The following EIPR1 variants were observed in gnomAD, a reference collection of about 807,000 sequenced individuals.
The protein encoded by EIPR1 is EARP and GARP complex-interacting protein 1.
Under a neutral mutation model 48.1 loss-of-function variants are expected in EIPR1, and 25 were observed. The ratio of observed to expected loss-of-function variants is 0.52; its 90% CI spans 0.38 to 0.73. The LOEUF is 0.73. Among genes scored for constraint, EIPR1 ranks in the 30% least tolerant of loss-of-function variants. The probability of loss-of-function intolerance (pLI) is 0.00; values close to 1 mark genes in which losing one functional copy is unlikely to be tolerated. For synonymous variants in EIPR1, 204 were observed against 201.9 expected (o/e 1.01, Z -0.09); for missense variants, 415 against 506.2 (o/e 0.82, Z 1.73).
At chr2:3,348,602 G>C (rs978925866) in intron 2 of EIPR1, among the ~76,000 whole-genome samples, 1 of 152,234 alleles carries the variant, frequency 6.6e-6, no homozygotes, top group Non-Finnish European at 1.5e-5. Context: ...CTGTCCCACA[G>C]GAGGAAACAG....
chr2:3,301,264 G>C (rs926690903), intron 3 of EIPR1: 1 of 152,172 alleles, frequency 6.6e-6, no homozygotes, highest in African/African-American at 2.4e-5. Context: ...TGCAGTAGAC[G>C]GCAACAAACA....
chr2:3,372,707 A>G (rs1659711484), intron 1 of EIPR1, among the ~76,000 whole-genome samples: 1 of 152,234 alleles, frequency 6.6e-6, no homozygotes, highest in Non-Finnish European at 1.5e-5. Flanking sequence ...GAATAGACCA[A>G]TAATAGGATC....
At chr2:3,330,924 G>C (rs1030309469) in intron 3 of EIPR1, among the ~76,000 whole-genome samples, 3 of 151,648 alleles carry the variant, frequency 2.0e-5, no homozygotes, top group Non-Finnish European at 4.4e-5. Flanking sequence ...GCAGAGACTG[G>C]CAAGTGTACA....
chr2:3,306,789 G>A (rs1359181440), intron 3 of EIPR1, among the ~76,000 whole-genome samples: 1 of 152,080 alleles, frequency 6.6e-6, no homozygotes, highest in Non-Finnish European at 1.5e-5. Flanking sequence ...TGCCTCAGGG[G>A]CAGCAGAGGC....
At chr2:3,352,173 G>T (rs1309670131) in intron 2 of EIPR1, among the ~76,000 whole-genome samples, 1 of 121,272 alleles carries the variant, frequency 8.2e-6, no homozygotes, top group Non-Finnish European at 1.7e-5. Flanking sequence ...TGTCTGTTCC[G>T]GACACCTTTG....
chr2:3,254,665 A>G (rs576304812), intron 4 of EIPR1, among the ~76,000 whole-genome samples: 1 of 152,376 alleles, frequency 6.6e-6, no homozygotes, highest in Admixed American at 6.5e-5. Flanking sequence ...ATACAGAGAT[A>G]GAGTACAGAT....
intron 2 of EIPR1, among the ~76,000 whole-genome samples, chr2:3,341,510 A>C (rs1670247345): frequency 6.6e-6 from 1 of 151,292 alleles, no homozygotes; most frequent in African/African-American, 2.4e-5. Context: ...CTATGCATGT[A>C]TGTGTGCGGG....
intron 2 of EIPR1, among the ~76,000 whole-genome samples, chr2:3,345,816 G>A (rs992104807): frequency 2.0e-5 from 3 of 152,104 alleles, no homozygotes; most frequent in Admixed American, 6.5e-5. Context: ...CGGCCCCGGG[G>A]CACCACGCTT....
At chr2:3,353,413 AC>A (rs1670638215) in intron 2 of EIPR1, 1 of 424,048 alleles carries the variant, frequency 2.4e-6, no homozygotes, top group Non-Finnish European at 4.8e-6. Context: ...AAATCATCTA[AC>A]GATTCTTAAG....
At chr2:3,351,576 T>G (rs55649989) in intron 2 of EIPR1, among the ~76,000 whole-genome samples, 22,228 of 152,194 alleles carry the variant, frequency 0.15, 1,796 homozygotes, top group Non-Finnish European at 0.18. Flanking sequence ...CCAACTCCCC[T>G]GTAGGCACCA....
At chr2:3,285,845 C>G (rs1247658985) in intron 3 of EIPR1, among the ~76,000 whole-genome samples, 2 of 100,722 alleles carry the variant, frequency 2.0e-5, no homozygotes, top group East Asian at 2.7e-4. Flanking sequence ...CAGAAGTCAC[C>G]GACTGTCTCC....
intron 4 of EIPR1, among the ~76,000 whole-genome samples, chr2:3,247,023 G>GGT (rs1192192595): frequency 5.5e-5 from 1 of 18,048 alleles, no homozygotes; most frequent in African/African-American, 3.3e-4. Flanking sequence ...GAGGGAGGGA[G>GGT]AGAGCGAGGG....
intron 3 of EIPR1, among the ~76,000 whole-genome samples, chr2:3,316,363 T>A (rs898153451): frequency 1.3e-5 from 2 of 150,738 alleles, no homozygotes; most frequent in Admixed American, 6.6e-5. Flanking sequence ...CTGTTTACCA[T>A]GTTTTTGCAA....
rs745508787 is a variant in EIPR1 at position 3,194,003 on chromosome 2, G to A, written c.817C>T (p.His273Tyr). 1 of 1,613,618 alleles carries A rather than the reference G, an allele frequency of 6.2e-7. No homozygotes were observed. The highest frequency in any genetic ancestry group is 8.5e-7 in the Non-Finnish European group (1 of 1,179,962). ...EPVKTLEEHSHWVWNVRYNHS... is the reference protein window; with the variant it reads ...EPVKTLEEHSYWVWNVRYNHS... ...AGCAGCCAGGAGCGGCCCTACCAGT[G>A]GGAGTGCTCCTCCAGGGTCTTCACG... Residue 273 changes from histidine to tyrosine, a missense_variant, in exon 7 of 9, where the codon CAC becomes TAC. By Grantham distance (83) the His-to-Tyr change is moderately conservative. Coordinates refer to ENST00000382125, the MANE Select transcript of EIPR1 (RefSeq NM_003310.5).
chr2:3,318,028 G>A (rs757039633), intron 3 of EIPR1, among the ~76,000 whole-genome samples: 6 of 152,218 alleles, frequency 3.9e-5, no homozygotes, highest in Admixed American at 6.5e-5. Context: ...CACTTCGGAC[G>A]GGGCATCATC....
At chr2:3,249,923 G>A (rs930174457) in intron 4 of EIPR1, among the ~76,000 whole-genome samples, 4 of 152,216 alleles carry the variant, frequency 2.6e-5, no homozygotes, top group Non-Finnish European at 5.9e-5. Flanking sequence ...ATAGAATGCA[G>A]GAGTGAAAGA....
chr2:3,194,716 G>A (rs1357224524), intron 6 of EIPR1, among the ~76,000 whole-genome samples: 9 of 151,898 alleles, frequency 5.9e-5, no homozygotes, highest in African/African-American at 1.9e-4. Flanking sequence ...AGTGGGGAAG[G>A]CCATGGAAGC....
rs1478689175 is a variant in EIPR1, at chr2:3,312,135, G to A, written c.259+25882C>T. ...TGAAGTGCCTGAAGATGAGTCTCGG[G>A]ACGCTCCCAAATTTCCTCAAGTTGC... On this transcript the variant is annotated intron_variant, in intron 3 of 8. Transcript: ENST00000382125. The surrounding 1 kb of genome is among the most constrained non-coding windows in gnomAD (Gnocchi z 5.5). 6.6e-6 allele frequency among the ~76,000 whole-genome samples: 1 copy of A among 152,116 alleles called. No individual in the cohort carries two copies. The highest frequency in any genetic ancestry group is 1.5e-5 in the Non-Finnish European group (1 of 68,012).
At chr2:3,234,043 G>A (rs992648222) in intron 4 of EIPR1, among the ~76,000 whole-genome samples, 1 of 152,204 alleles carries the variant, frequency 6.6e-6, no homozygotes, top group Non-Finnish European at 1.5e-5. Context: ...GTAGCAGCCA[G>A]GATCCAACAG....
Sources: allele counts gnomAD v4.1 joint callset (sites outside exome capture counted in the v4.1 genomes callset), GRCh38; gene constraint gnomAD v4.1.1; non-coding constraint Gnocchi (gnomAD v3.1); transcripts MANE v1.5; gene names NCBI Gene and HGNC (gene_info 2026-07-23, HGNC 2026-07-21).